MMP16: variants seen among roughly 807,000 people sequenced by gnomAD.
MMP16 encodes the protein matrix metallopeptidase 16.
Under a neutral mutation model 67.8 loss-of-function variants are expected in MMP16, and 12 were observed. The ratio of observed to expected loss-of-function variants is 0.18; its 90% CI spans 0.11 to 0.29. MMP16 has a LOEUF of 0.29. Ranked by LOEUF, MMP16 falls within the 10% of genes least tolerant of loss-of-function variation. The pLI is 1.00. For missense variants in MMP16, 475 were observed against 765.7 expected (o/e 0.62, Z 4.48); for synonymous variants, 249 against 255.9 (o/e 0.97, Z 0.26).
chr8:88,132,476 G>A (rs1808048209), intron 4 of MMP16, among the ~76,000 whole-genome samples: 1 of 151,848 alleles, frequency 6.6e-6, no homozygotes, highest in South Asian at 2.1e-4. Flanking sequence ...GGTTTGACTA[G>A]GGGAGGCTCT....
chr8:88,161,959 A>T (rs1458105257), intron 4 of MMP16, among the ~76,000 whole-genome samples: 1 of 152,042 alleles, frequency 6.6e-6, no homozygotes, highest in Non-Finnish European at 1.5e-5. Context: ...TTTGCTGATG[A>T]GTGCTTTACT....
At chr8:88,081,407 C>G (rs1432065049) in intron 6 of MMP16, among the ~76,000 whole-genome samples, 1 of 152,066 alleles carries the variant, frequency 6.6e-6, no homozygotes, top group African/African-American at 2.4e-5. Flanking sequence ...TAATAACACC[C>G]TATGTTAGAC....
At chr8:88,266,500 T>A (rs1810478791) in intron 1 of MMP16, among the ~76,000 whole-genome samples, 1 of 152,196 alleles carries the variant, frequency 6.6e-6, no homozygotes, top group African/African-American at 2.4e-5. Flanking sequence ...AGTGAAATTG[T>A]AGCATAATTA....
chr8:88,119,639 C>A (rs998046476), intron 4 of MMP16, among the ~76,000 whole-genome samples: 10 of 152,112 alleles, frequency 6.6e-5, no homozygotes, highest in African/African-American at 2.4e-4. Flanking sequence ...ATGCAATCAA[C>A]CCCGTTGATG....
At position 88,198,000 on chromosome 8, in the gene MMP16, C is replaced by T. The variant is rs542482314; in HGVS notation, c.133-694G>A. On this transcript the variant is annotated intron_variant, in intron 1 of 9. Coordinates refer to ENST00000286614, the MANE Select transcript of MMP16 (RefSeq NM_005941.5). ...TATCATCTTAAGAGTGTTTAGACTT[C>T]TCTTTAAGGGTCTCATGATTTTTAT... 4.6e-5 allele frequency among the ~76,000 whole-genome samples: 7 copies of T among 152,296 alleles called. No individual in the cohort carries two copies. In the South Asian group the frequency reaches 1.2e-3, roughly 27 times the overall value.
intron 6 of MMP16, among the ~76,000 whole-genome samples, chr8:88,095,812 C>G (rs570224554): frequency 6.6e-6 from 1 of 151,800 alleles, no homozygotes; most frequent in Non-Finnish European, 1.5e-5. Flanking sequence ...TCACTGATTA[C>G]GTAGAATGAA....
At chr8:88,283,728 T>A (rs1399639404) in intron 1 of MMP16, among the ~76,000 whole-genome samples, 4 of 152,142 alleles carry the variant, frequency 2.6e-5, no homozygotes, top group African/African-American at 9.7e-5. Flanking sequence ...AATTTTTTAT[T>A]AATAATCATG....
At chr8:88,244,636 A>G (rs1259068188) in intron 1 of MMP16, among the ~76,000 whole-genome samples, 3 of 152,178 alleles carry the variant, frequency 2.0e-5, no homozygotes, top group African/African-American at 7.2e-5. Flanking sequence ...ATGAAAAAAC[A>G]AAGACATGGA....
intron 1 of MMP16, among the ~76,000 whole-genome samples, chr8:88,266,315 T>C (rs1244122056): frequency 1.4e-5 from 2 of 147,894 alleles, no homozygotes; most frequent in Non-Finnish European, 3.0e-5. Context: ...TCCTTATTAG[T>C]GATCTCCTTA....
At chr8:88,107,266 A>T (rs1235290206) in intron 6 of MMP16, among the ~76,000 whole-genome samples, 3 of 151,152 alleles carry the variant, frequency 2.0e-5, no homozygotes, top group African/African-American at 7.3e-5. Context: ...GTTAAAAACT[A>T]AGGTGCTATT....
At position 88,309,554 on chromosome 8, in the gene MMP16, C is replaced by T. The variant is rs189425174; in HGVS notation, c.132+17521G>A. Among the ~76,000 whole-genome samples, 244 of 151,918 alleles carry T rather than the reference C, an allele frequency of 1.6e-3. 1 individual carries two copies. Among genetic ancestry groups the T allele is most frequent in the Non-Finnish European group, 2.2e-3 (149 of 67,846 alleles). ...AACCTGCAACTCTTGGGCAGATGGA[C>T]GTCCTCAAAGAAAAGGCTCCATGTG... On this transcript the variant is annotated intron_variant, in intron 1 of 9. Transcript: ENST00000286614.
At chr8:88,079,502 C>G (rs1444994264) in intron 6 of MMP16, among the ~76,000 whole-genome samples, 1 of 152,098 alleles carries the variant, frequency 6.6e-6, no homozygotes. Flanking sequence ...AACATATCCT[C>G]CATGGGTAAG....
At chr8:88,091,242 T>A (rs942374827) in intron 6 of MMP16, among the ~76,000 whole-genome samples, 2 of 151,666 alleles carry the variant, frequency 1.3e-5, no homozygotes, top group African/African-American at 4.8e-5. Context: ...TTGTTGAATA[T>A]TTTTTTCATA....
At chr8:88,224,225 C>G (rs112112286) in intron 1 of MMP16, among the ~76,000 whole-genome samples, 6 of 152,028 alleles carry the variant, frequency 3.9e-5, no homozygotes. Flanking sequence ...TCCTGGGCAT[C>G]AACGTTAGGC....
chr8:88,308,742 C>CA (rs1811249786), intron 1 of MMP16, among the ~76,000 whole-genome samples: 1 of 151,820 alleles, frequency 6.6e-6, no homozygotes, highest in Non-Finnish European at 1.5e-5. Flanking sequence ...AAACATAATA[C>CA]AAAACTGAAA....
chr8:88,232,205 C>G (rs570758502), intron 1 of MMP16, among the ~76,000 whole-genome samples: 4 of 152,224 alleles, frequency 2.6e-5, no homozygotes, highest in African/African-American at 7.2e-5. Context: ...TTCTGAAGTA[C>G]CTTTCATCTC....
chr8:88,252,430 C>A (rs1810240066), intron 1 of MMP16, among the ~76,000 whole-genome samples: 1 of 152,016 alleles, frequency 6.6e-6, no homozygotes, highest in African/African-American at 2.4e-5. Context: ...ATTGCCTATA[C>A]CTTCAGCTAT....
At chr8:88,279,415 T>C (rs1810698462) in intron 1 of MMP16, among the ~76,000 whole-genome samples, 1 of 152,234 alleles carries the variant, frequency 6.6e-6, no homozygotes, top group African/African-American at 2.4e-5. Context: ...TTGCATTCTA[T>C]TTCTTTTGGT....
At chr8:88,299,885 C>T (rs975158667) in intron 1 of MMP16, among the ~76,000 whole-genome samples, 3 of 152,052 alleles carry the variant, frequency 2.0e-5, no homozygotes, top group Admixed American at 2.0e-4. Context: ...TGCCTACATC[C>T]CATGTCTTTC....
Sources: gnomAD v4.1 joint callset for allele counts (sites outside exome capture counted in the v4.1 genomes callset) on GRCh38, gnomAD v4.1.1 for gene constraint, MANE v1.5 for transcripts, NCBI Gene and HGNC (gene_info 2026-07-23, HGNC 2026-07-21) for gene names.